NARS1: variants seen among roughly 807,000 people sequenced by gnomAD.
NARS1 encodes the protein asparaginyl-tRNA synthetase 1.
A neutral mutation model predicts 79.2 loss-of-function variants in NARS1; 65 were observed. That is an observed-to-expected ratio of 0.82 (90% CI 0.67 to 1.01). NARS1 has a LOEUF of 1.01. NARS1 is among the 50% of genes least tolerant of loss of function. NARS1 has a pLI of 0.00. For missense variants in NARS1, 649 were observed against 673.8 expected (o/e 0.96, Z 0.41); for synonymous variants, 229 against 238.8 (o/e 0.96, Z 0.38).
At position 57,606,353 on chromosome 18, in the gene NARS1, A is replaced by AAT. The variant is rs71855772; in HGVS notation, c.1137+261_1137+262dup. 7.3e-4 allele frequency among the ~76,000 whole-genome samples: 8 copies of AAT among 10,924 alleles called. 1 individual carries two copies. The highest frequency in any genetic ancestry group is 1.1e-3 in the African/African-American group (8 of 7,398). 7.2% of individuals were successfully genotyped at this position (10,924 alleles called of 152,430 possible). ...GAGTGAGACTCTGTCTCAAAAAAAAAATATATATATATATATATATATATA... is the reference window on the plus strand; with the variant it reads ...GAGTGAGACTCTGTCTCAAAAAAAAAATATATATATATATATATATATATATA... On this transcript the variant is annotated intron_variant, in intron 10 of 13. Coordinates refer to ENST00000256854, the MANE Select transcript of NARS1 (RefSeq NM_004539.4).
intron 2 of NARS1, among the ~76,000 whole-genome samples, chr18:57,617,859 G>A (rs1351492806): frequency 6.7e-6 from 1 of 149,432 alleles, no homozygotes; most frequent in Non-Finnish European, 1.5e-5. Context: ...AGGTTGCAGT[G>A]AGCTGAGATT....
At chr18:57,612,443 G>A (rs1408595420) in intron 5 of NARS1, among the ~76,000 whole-genome samples, 2 of 151,888 alleles carry the variant, frequency 1.3e-5, no homozygotes, top group Admixed American at 6.6e-5. Context: ...CTCCACCGTC[G>A]CTTTTTTTTC....
chr18:57,605,815 C>A (rs774781249), intron 11 of NARS1, 42 bp downstream of exon 11: 1 of 1,338,226 alleles, frequency 7.5e-7, no homozygotes, highest in South Asian at 1.3e-5. Context: ...AGAATTGGAG[C>A]CCAATCCCAC....
At chr18:57,609,314 A>C (rs1285192162) in intron 7 of NARS1, 43 bp downstream of exon 7, 2 of 1,481,262 alleles carry the variant, frequency 1.4e-6, no homozygotes, top group Admixed American at 3.4e-5. Flanking sequence ...CAAACCAATA[A>C]ATAAACTATT....
intron 11 of NARS1, among the ~76,000 whole-genome samples, 153 bp downstream of exon 11, chr18:57,605,699 TAACTC>T (rs1276248180): frequency 1.3e-5 from 2 of 152,104 alleles, no homozygotes; most frequent in East Asian, 3.9e-4. Context: ...CTGACTCTGT[TAACTC>T]AGCGAATCTG....
chr18:57,613,817 G>A (rs2051625707), intron 4 of NARS1, 137 bp from the exon 5 acceptor site: 5 of 657,784 alleles, frequency 7.6e-6, no homozygotes, highest in Non-Finnish European at 1.3e-5. Context: ...CTCTACTGCA[G>A]CTCAGAACCA....
intron 5 of NARS1, among the ~76,000 whole-genome samples, chr18:57,613,357 G>C (rs1391599316): frequency 6.6e-6 from 1 of 152,168 alleles, no homozygotes; most frequent in East Asian, 1.9e-4. Context: ...GCCAGGTGTG[G>C]TGGCAGGTAC....
At chr18:57,606,351 A>AG (rs2051556205) in intron 10 of NARS1, among the ~76,000 whole-genome samples, 1 of 31,994 alleles carries the variant, frequency 3.1e-5, no homozygotes. Flanking sequence ...TCTCAAAAAA[A>AG]AAATATATAT....
intron 4 of NARS1, 65 bp downstream of exon 4, chr18:57,615,576 C>T: frequency 9.5e-7 from 1 of 1,050,266 alleles, no homozygotes; most frequent in Non-Finnish European, 1.5e-6. Flanking sequence ...ACATGCCCCT[C>T]ATACACAGAA....
intron 2 of NARS1, among the ~76,000 whole-genome samples, chr18:57,618,005 A>T (rs780640981): frequency 5.5e-5 from 8 of 146,350 alleles, no homozygotes; most frequent in Non-Finnish European, 1.2e-4. Flanking sequence ...GGCCAGGCGC[A>T]GTGGCACACG....
chr18:57,621,563 T>TTCCCCCCCCCCCC, intron 1 of NARS1, 145 bp downstream of exon 1: 1 of 300,804 alleles, frequency 3.3e-6, no homozygotes, highest in Non-Finnish European at 6.8e-6. Flanking sequence ...GCCAGCACCC[T>TTCCCCCCCCCCCC]CCCTCCCTCC....
chr18:57,604,229 A>G (rs2122422179), intron 11 of NARS1, among the ~76,000 whole-genome samples: 2 of 152,334 alleles, frequency 1.3e-5, no homozygotes, highest in South Asian at 4.1e-4. Flanking sequence ...CAAGTTCTCA[A>G]TACAAAATTT....
intron 4 of NARS1, 63 bp downstream of exon 4, chr18:57,615,578 T>C: frequency 1.8e-6 from 2 of 1,096,604 alleles, no homozygotes; most frequent in East Asian, 2.4e-5. Flanking sequence ...ATGCCCCTCA[T>C]ACACAGAAAT....
At chr18:57,601,958 A>G (rs2051511045) in intron 13 of NARS1, among the ~76,000 whole-genome samples, 175 bp from the exon 14 acceptor site, 1 of 152,208 alleles carries the variant, frequency 6.6e-6, no homozygotes, top group African/African-American at 2.4e-5. Flanking sequence ...CTATGCCTTC[A>G]TGAACCATGC....
intron 7 of NARS1, among the ~76,000 whole-genome samples, chr18:57,608,184 A>G (rs1433871356): frequency 5.3e-5 from 8 of 152,024 alleles, no homozygotes; most frequent in Non-Finnish European, 1.2e-4. Context: ...TCCATTTTTA[A>G]AAGATATTTG....
At position 57,615,835 on chromosome 18, in the gene NARS1, T is replaced by C. The variant is rs373068732; in HGVS notation, c.234A>G (p.Glu78=). 22 of 1,611,112 alleles carry C rather than the reference T, an allele frequency of 1.4e-5. No homozygotes were observed. The highest frequency in any genetic ancestry group is 1.5e-5 in the Non-Finnish European group (18 of 1,178,672). ...GACTCACCTCTTTCTTTTCCCGGGA[T>C]TCACTCTTCATTTGTTCCCTATGCC... ...KMWHREQMKS[E]SREKKEAEDS... The change falls in exon 3 of 14, where the codon GAA becomes GAG. Residue 78 remains glutamate, a synonymous_variant. Coordinates refer to ENST00000256854, the MANE Select transcript of NARS1 (RefSeq NM_004539.4).
At chr18:57,603,934 CAT>C (rs1012629791) in intron 11 of NARS1, among the ~76,000 whole-genome samples, 5 of 152,070 alleles carry the variant, frequency 3.3e-5, no homozygotes, top group African/African-American at 7.2e-5. Context: ...CTAGTGTCCT[CAT>C]GTGTGTGGAA....
Position 57,612,402 on chromosome 18 carries a change from G to A in NARS1, c.422-695C>T, listed in dbSNP as rs1028931303. 5.3e-5 allele frequency among the ~76,000 whole-genome samples: 8 copies of A among 152,114 alleles called. No individual in the cohort carries two copies. The East Asian group carries it at 9.7e-4, about 18-fold the overall frequency. ...CCTAAAGGTCCAATTACTGAAATCC[G>A]CTTAAAACATTTCATTTGTATTTTT... On this transcript the variant is annotated intron_variant, in intron 5 of 13. Coordinates refer to ENST00000256854, the MANE Select transcript of NARS1 (RefSeq NM_004539.4).
In NARS1 at chr18:57,607,670, A is replaced by G. The variant is rs2051571028; in HGVS notation, c.580-5T>C. The G allele has an allele frequency of 1.9e-6, 3 of 1,601,880 alleles. No individual in the cohort carries two copies. In the East Asian group the frequency reaches 6.7e-5, roughly 36 times the overall value. On this transcript the variant is annotated splice_polypyrimidine_tract_variant and splice_region_variant and intron_variant, in intron 7 of 13. Coordinates refer to ENST00000256854, the MANE Select transcript of NARS1 (RefSeq NM_004539.4). ...CAGCTCATGGCCACCTGGAGCCTGC[A>G]TTTTTTAAAAGTGGGGTCCAGAGAA...
Sources: allele counts gnomAD v4.1 joint callset (sites outside exome capture counted in the v4.1 genomes callset), GRCh38; gene constraint gnomAD v4.1.1; transcripts MANE v1.5; gene names NCBI Gene and HGNC (gene_info 2026-07-23, HGNC 2026-07-21).